Variants in PCDHGA6 observed in about 807,000 individuals in gnomAD.
PCDHGA6 encodes protocadherin gamma subfamily A, 6.
A neutral mutation model predicts 60.6 loss-of-function variants in PCDHGA6; 41 were observed. That is an observed-to-expected ratio of 0.68 (90% CI 0.53 to 0.88). The LOEUF (loss-of-function observed/expected upper bound fraction) is 0.88. Ranked by LOEUF, PCDHGA6 falls within the 40% of genes least tolerant of loss-of-function variation. PCDHGA6 has a pLI of 0.00. For synonymous variants in PCDHGA6, 594 were observed against 524.4 expected, an observed-to-expected ratio of 1.13 and a Z score of -1.81; for missense variants, 1,312 against 1,203.0, an observed-to-expected ratio of 1.09 and a Z score of -1.34.
At chr5:141,413,109 A>G in intron 1 of PCDHGA6, 2 of 1,498,490 alleles carry the variant, frequency 1.3e-6, no homozygotes, top group African/African-American at 1.4e-5. Flanking sequence ...ACAGAAAGAC[A>G]AAGGAACCGG....
At chr5:141,453,319 G>T (rs2098762311) in intron 1 of PCDHGA6, among the ~76,000 whole-genome samples, 1 of 151,492 alleles carries the variant, frequency 6.6e-6, no homozygotes, top group Admixed American at 6.6e-5. Flanking sequence ...TTATTTTAGA[G>T]ATGGGGTCTC....
intron 1 of PCDHGA6, chr5:141,396,285 A>G (rs996354546): frequency 1.3e-5 from 2 of 152,164 alleles, no homozygotes; most frequent in African/African-American, 4.8e-5. Context: ...ATGCCACTGC[A>G]CTCCAGCCTA....
intron 1 of PCDHGA6, among the ~76,000 whole-genome samples, chr5:141,465,683 A>G (rs2099107378): frequency 6.6e-6 from 1 of 152,236 alleles, no homozygotes; most frequent in African/African-American, 2.4e-5. Context: ...GCTCTTGACC[A>G]GTCTGCTTTT....
At chr5:141,382,929 C>A (rs1163790741) in intron 1 of PCDHGA6, 10 of 1,582,396 alleles carry the variant, frequency 6.3e-6, no homozygotes, top group Non-Finnish European at 8.6e-6. Flanking sequence ...GCGGGGACTA[C>A]AGAGGATTCT....
intron 1 of PCDHGA6, chr5:141,384,575 C>G (rs754018989): frequency 6.2e-7 from 1 of 1,614,258 alleles, no homozygotes; most frequent in East Asian, 2.2e-5. Context: ...AATGACAACC[C>G]GCCCGAGATC....
Position 141,477,780 on chromosome 5 carries a change from T to C in PCDHGA6, c.2425-17027T>C. On this transcript the variant is annotated intron_variant, in intron 1 of 3. Coordinates refer to ENST00000517434, the MANE Select transcript of PCDHGA6 (RefSeq NM_018919.3). The surrounding 1 kb of genome is among the most constrained non-coding windows in gnomAD (Gnocchi z 4.9). ...CTAGCCACCAACATCAGCGTGAACA[T>C]ATTTGTCACTGATCGCAATGACAAT... 6.2e-7 allele frequency: 1 copy of C among 1,614,048 alleles called. No homozygotes were observed. Among genetic ancestry groups the C allele is most frequent in the Non-Finnish European group, 8.5e-7 (1 of 1,180,030 alleles).
At chr5:141,433,640 A>C (rs2097637476) in intron 1 of PCDHGA6, among the ~76,000 whole-genome samples, 2 of 152,138 alleles carry the variant, frequency 1.3e-5, no homozygotes, top group South Asian at 2.1e-4. Flanking sequence ...GTTTGAGACC[A>C]GCCTGACCAA....
chr5:141,457,020 C>A (rs2098903789), intron 1 of PCDHGA6, among the ~76,000 whole-genome samples: 1 of 152,086 alleles, frequency 6.6e-6, no homozygotes, highest in Non-Finnish European at 1.5e-5. Flanking sequence ...AATAAAAAGT[C>A]CTAGTAGACT....
At chr5:141,382,962 G>C in intron 1 of PCDHGA6, 1 of 1,607,858 alleles carries the variant, frequency 6.2e-7, no homozygotes, top group Admixed American at 1.7e-5. Flanking sequence ...TCCTCCTGGG[G>C]ACCCCCTGGG....
rs781586915 is a variant in PCDHGA6, at chr5:141,389,444, C to G, written c.2424+12937C>G. 7.0e-5 allele frequency: 112 copies of G among 1,610,446 alleles called. No homozygotes were observed. Among genetic ancestry groups the G allele is most frequent in the Middle Eastern group, 1.7e-4 (1 of 5,992 alleles). On this transcript the variant is annotated intron_variant, in intron 1 of 3. Transcript: ENST00000517434. Reference sequence around the variant, plus strand: ...TGTTCGCGCAGCGCGCCTTCGACCACGAGCAGCTGCGCGCCTTCGAACTCA... The same window carrying G: ...TGTTCGCGCAGCGCGCCTTCGACCAGGAGCAGCTGCGCGCCTTCGAACTCA...
chr5:141,423,503 C>T (rs1225012888), intron 1 of PCDHGA6: 2 of 1,613,984 alleles, frequency 1.2e-6, no homozygotes, highest in South Asian at 2.2e-5. Context: ...CACGAGGTCT[C>T]TCTCATTGCG....
intron 1 of PCDHGA6, chr5:141,409,139 GA>G: frequency 1.9e-6 from 3 of 1,614,012 alleles, no homozygotes; most frequent in Non-Finnish European, 2.5e-6. Context: ...TGAAGATGTA[GA>G]AAGGTACACC....
Position 141,487,540 on chromosome 5 carries a change from G to T in PCDHGA6, c.2425-7267G>T, listed in dbSNP as rs1319372340. The T allele has an allele frequency of 1.2e-6, 2 of 1,614,208 alleles. No homozygotes were observed. Among genetic ancestry groups the T allele is most frequent in the Admixed American group, 3.3e-5 (2 of 60,034 alleles). ...GGAGTGATAGCTTCATGATGGTGAA[G>T]TCACCCAGTGCACCTATGGCAGGGG... is the stretch of plus-strand genomic sequence containing the variant. On this transcript the variant is annotated intron_variant, in intron 1 of 3. Transcript: ENST00000517434. This position sits in a 1 kb window ranked among gnomAD's most constrained non-coding sequence, Gnocchi z 5.0.
intron 1 of PCDHGA6, chr5:141,478,884 C>T (rs767294994): frequency 9.2e-5 from 110 of 1,194,180 alleles, no homozygotes; most frequent in Non-Finnish European, 1.2e-4. Context: ...AGCTTGGTAT[C>T]ATTTACATTA....
chr5:141,394,521 G>C, intron 1 of PCDHGA6: 1 of 1,614,212 alleles, frequency 6.2e-7, no homozygotes, highest in Non-Finnish European at 8.5e-7. Context: ...CCTCCCCACA[G>C]ACGGTTCCAC....
At chr5:141,391,253 T>C (rs1157052865) in intron 1 of PCDHGA6, 1 of 152,146 alleles carries the variant, frequency 6.6e-6, no homozygotes, top group Non-Finnish European at 1.5e-5. Flanking sequence ...AAGCAACTGC[T>C]TCAGTTAATG....
chr5:141,509,056 G>C (rs1303823294), intron 3 of PCDHGA6, among the ~76,000 whole-genome samples: 1 of 152,178 alleles, frequency 6.6e-6, no homozygotes, highest in Non-Finnish European at 1.5e-5. Flanking sequence ...CCCCCAGAAA[G>C]CTCTCAGCTC....
At chr5:141,426,756 G>C in intron 1 of PCDHGA6, 1 of 456,302 alleles carries the variant, frequency 2.2e-6, no homozygotes, top group Non-Finnish European at 4.4e-6. Context: ...ATCTGCTATA[G>C]ATGCAGATGT....
chr5:141,483,661 T>TGTGTGA (rs1357903548), intron 1 of PCDHGA6, among the ~76,000 whole-genome samples: 7 of 152,042 alleles, frequency 4.6e-5, no homozygotes, highest in African/African-American at 1.7e-4. Context: ...TGTGTGTGTG[T>TGTGTGA]GTGTGTGTAA....
Sources: gnomAD v4.1 joint callset for allele counts (sites outside exome capture counted in the v4.1 genomes callset) on GRCh38, gnomAD v4.1.1 for gene constraint, Gnocchi (gnomAD v3.1) non-coding constraint, MANE v1.5 for transcripts, NCBI Gene and HGNC (gene_info 2026-07-23, HGNC 2026-07-21) for gene names.